The following DNAAF10 variants were observed in gnomAD, a reference collection of about 807,000 sequenced individuals.
DNAAF10 encodes dynein axonemal assembly factor 10.
Under a neutral mutation model 43.7 loss-of-function variants are expected in DNAAF10, and 28 were observed. That is an observed-to-expected ratio of 0.64 (90% CI 0.48 to 0.88). The LOEUF (loss-of-function observed/expected upper bound fraction) is 0.88, where lower values mean the gene tolerates loss of function less well. Ranked by LOEUF, DNAAF10 falls within the 40% of genes least tolerant of loss-of-function variation. DNAAF10 has a pLI of 0.00. For synonymous variants in DNAAF10, 156 were observed against 157.3 expected (o/e 0.99, Z 0.06); for missense variants, 403 against 439.1 (o/e 0.92, Z 0.73).
chr2:68,140,231 G>A (rs1184513220), intron 4 of DNAAF10, among the ~76,000 whole-genome samples: 2 of 151,920 alleles, frequency 1.3e-5, no homozygotes, highest in Non-Finnish European at 2.9e-5. Flanking sequence ...TGCTTTCATT[G>A]CCCCTAACTT....
chr2:68,130,107 GAGAGAGAGATAT>G lies in DNAAF10; in HGVS notation c.*1119_*1130del, dbSNP rs1257979067. 2 of 120,408 alleles carry G rather than the reference GAGAGAGAGATAT, an allele frequency of 1.7e-5. No individual in the cohort carries two copies. The highest frequency in any genetic ancestry group is 2.4e-4 in the South Asian group (1 of 4,126). 7.5% of individuals were successfully genotyped at this position (120,408 alleles called of 1,614,324 possible). ...ATCTAGACCAACCGTGCCGTTTTGA[GAGAGAGAGATAT>G]ATATATATATATTTGTTTTTTTTTT... On this transcript the variant is annotated 3_prime_UTR_variant, in exon 8 of 8. Transcript: ENST00000295121.
At position 68,130,107 on chromosome 2, in the gene DNAAF10, G is replaced by GATATATATATATAT. The variant is rs70949671; in HGVS notation, c.*1130_*1131insATATATATATATAT. 132 of 120,378 alleles carry GATATATATATATAT rather than the reference G, an allele frequency of 1.1e-3. 2 individuals carry two copies. Among genetic ancestry groups the GATATATATATATAT allele is most frequent in the African/African-American group, 2.3e-3 (54 of 23,960 alleles). The allele number at this position is 120,378 out of a possible 1,614,324, so 7.5% of individuals were successfully genotyped here. On this transcript the variant is annotated 3_prime_UTR_variant, in exon 8 of 8. Coordinates refer to ENST00000295121, the MANE Select transcript of DNAAF10 (RefSeq NM_138458.4). Reference sequence around the variant, plus strand: ...ATCTAGACCAACCGTGCCGTTTTGAGAGAGAGAGATATATATATATATATT... The same window carrying GATATATATATATAT: ...ATCTAGACCAACCGTGCCGTTTTGAGATATATATATATATAGAGAGAGATATATATATATATATT...
At chr2:68,140,556 C>T (rs1345619625) in intron 4 of DNAAF10, among the ~76,000 whole-genome samples, 1 of 152,152 alleles carries the variant, frequency 6.6e-6, no homozygotes, top group African/African-American at 2.4e-5. Context: ...CTTAGGTCTT[C>T]CCTGGAATAC....
Position 68,144,678 on chromosome 2 carries a change from T to A in DNAAF10, c.322A>T (p.Lys108Ter), listed in dbSNP as rs1008856479. 6.2e-7 allele frequency: 1 copy of A among 1,613,816 alleles called. No homozygotes were observed. The highest frequency in any genetic ancestry group is 8.5e-7 in the Non-Finnish European group (1 of 1,179,996). The change falls in exon 3 of 8, where the codon AAG (lysine) becomes TAG (stop). Residue 108 changes from lysine to a stop codon, truncating the protein, a stop_gained. Coordinates refer to ENST00000295121, the MANE Select transcript of DNAAF10 (RefSeq NM_138458.4). LOFTEE classifies it high-confidence loss of function. Reference sequence around the variant, plus strand: ...GCATTTATAATTTCTTTATGGCCCTTTACAGAATATACTGGCATCTCTGGA... The same window carrying A: ...GCATTTATAATTTCTTTATGGCCCTATACAGAATATACTGGCATCTCTGGA... ...EAPEMPVYSV[K>*]GHKEIINAID... is the part of the protein sequence containing the mutation.
chr2:68,134,553 G>C (rs1672991594), intron 7 of DNAAF10, 149 bp downstream of exon 7: 4 of 1,488,396 alleles, frequency 2.7e-6, no homozygotes, highest in Middle Eastern at 2.2e-4. Flanking sequence ...AAAATGCTTA[G>C]AAAACAAGTT....
At chr2:68,134,464 G>A in intron 7 of DNAAF10, 1 of 1,288,412 alleles carries the variant, frequency 7.8e-7, no homozygotes, top group Non-Finnish European at 9.8e-7. Context: ...ATACTTAGAA[G>A]ACACAACTAA....
chr2:68,157,128 A>G lies in DNAAF10; in HGVS notation c.183+133T>C, dbSNP rs1022621555. On this transcript the variant is annotated intron_variant, in intron 1 of 7. Transcript: ENST00000295121. Reference sequence around the variant, plus strand: ...AGGAAACATTCCTCAGTCGGCGGTCAGCTTCTCTGGTCTCGCGCGGCTCAA... The same window carrying G: ...AGGAAACATTCCTCAGTCGGCGGTCGGCTTCTCTGGTCTCGCGCGGCTCAA... 6 of 1,244,938 alleles carry G rather than the reference A, an allele frequency of 4.8e-6. No individual in the cohort carries two copies. In the South Asian group the frequency reaches 8.8e-5, roughly 18 times the overall value. The allele number at this position is 1,244,938 out of a possible 1,614,324, so 77.1% of individuals were successfully genotyped here.
At chr2:68,148,983 C>A (rs1673390782) in intron 1 of DNAAF10, among the ~76,000 whole-genome samples, 1 of 152,172 alleles carries the variant, frequency 6.6e-6, no homozygotes, top group African/African-American at 2.4e-5. Context: ...TCTGGATAAA[C>A]TTTATTCCTT....
chr2:68,154,259 T>C (rs1673530809), intron 1 of DNAAF10, among the ~76,000 whole-genome samples: 1 of 152,026 alleles, frequency 6.6e-6, no homozygotes, highest in South Asian at 2.1e-4. Context: ...TCTTTTTTTA[T>C]TTTTTGAGAC....
At chr2:68,156,248 C>A (rs1396188692) in intron 1 of DNAAF10, among the ~76,000 whole-genome samples, 2 of 151,844 alleles carry the variant, frequency 1.3e-5, no homozygotes, top group African/African-American at 4.8e-5. Context: ...GTCTTACATA[C>A]TTTCTATTCT....
intron 7 of DNAAF10, among the ~76,000 whole-genome samples, chr2:68,133,697 A>C: frequency 6.6e-6 from 1 of 152,106 alleles, no homozygotes; most frequent in East Asian, 1.9e-4. Flanking sequence ...GTCTGCGGTG[A>C]GACGAGATCA....
At chr2:68,152,268 T>C (rs1453381428) in intron 1 of DNAAF10, among the ~76,000 whole-genome samples, 10 of 152,232 alleles carry the variant, frequency 6.6e-5, no homozygotes. Flanking sequence ...TCATTAGTGG[T>C]CTGCTGTGCA....
chr2:68,150,754 A>T (rs915441327), intron 1 of DNAAF10, among the ~76,000 whole-genome samples: 3 of 152,118 alleles, frequency 2.0e-5, no homozygotes, highest in Admixed American at 6.5e-5. Context: ...TAAAATAAAA[A>T]AATAAAAATA....
At chr2:68,134,323 GCT>G (rs1672986019) in intron 7 of DNAAF10, 1 of 1,024,806 alleles carries the variant, frequency 9.8e-7, no homozygotes, top group South Asian at 3.7e-5. Context: ...GCAGCCTCAG[GCT>G]CTGTTGGGGT....
intron 1 of DNAAF10, among the ~76,000 whole-genome samples, chr2:68,153,345 T>TAAAAAAAAAAAAAAAAA: frequency 1.0e-5 from 1 of 98,752 alleles, no homozygotes; most frequent in Non-Finnish European, 2.2e-5. Context: ...AGTGATAAAT[T>TAAAAAAAAAAAAAAAAA]AAAAAAAAAA....
intron 3 of DNAAF10, among the ~76,000 whole-genome samples, chr2:68,143,412 G>A (rs1483714735): frequency 6.6e-6 from 1 of 152,016 alleles, no homozygotes; most frequent in Non-Finnish European, 1.5e-5. Context: ...CAAACTCCTG[G>A]TCTCAAGTTA....
intron 3 of DNAAF10, 148 bp from the exon 4 acceptor site, chr2:68,141,943 T>C: frequency 1.5e-6 from 1 of 658,610 alleles, no homozygotes; most frequent in Non-Finnish European, 2.6e-6. Flanking sequence ...TGACTTCTAA[T>C]TGGGTAAGTT....
chr2:68,135,950 C>T (rs1383312700), intron 6 of DNAAF10, among the ~76,000 whole-genome samples: 1 of 152,050 alleles, frequency 6.6e-6, no homozygotes, highest in East Asian at 1.9e-4. Context: ...TATAGTGGCT[C>T]ACGCCCATAA....
At chr2:68,141,951 G>C (rs535012040) in intron 3 of DNAAF10, among the ~76,000 whole-genome samples, 156 bp from the exon 4 acceptor site, 1 of 152,312 alleles carries the variant, frequency 6.6e-6, no homozygotes, top group East Asian at 1.9e-4. Context: ...AATTGGGTAA[G>C]TTGTATTTAA....
Sources: gnomAD v4.1 joint callset for allele counts (sites outside exome capture counted in the v4.1 genomes callset) on GRCh38, gnomAD v4.1.1 for gene constraint, MANE v1.5 for transcripts, NCBI Gene and HGNC (gene_info 2026-07-23, HGNC 2026-07-21) for gene names.